The following P3H1 variants were observed in gnomAD, a reference collection of about 807,000 sequenced individuals.
P3H1 encodes prolyl 3-hydroxylase 1.
Under a neutral mutation model 84.0 loss-of-function variants are expected in P3H1, and 69 were observed. That is an observed-to-expected ratio of 0.82 (90% CI 0.68 to 1.00). The LOEUF (loss-of-function observed/expected upper bound fraction) is 1.00, where lower values mean the gene tolerates loss of function less well. Among genes scored for constraint, P3H1 ranks in the 50% least tolerant of loss-of-function variants. The pLI is 0.00. For synonymous variants in P3H1, 366 were observed against 388.8 expected, an observed-to-expected ratio of 0.94 and a Z score of 0.69; for missense variants, 878 against 962.8, an observed-to-expected ratio of 0.91 and a Z score of 1.17.
At chr1:42,762,210 A>T in intron 2 of P3H1, 113 bp downstream of exon 2, 1 of 1,059,322 alleles carries the variant, frequency 9.4e-7, no homozygotes, top group Non-Finnish European at 1.4e-6. Context: ...ATTTGAGGTT[A>T]CAGTGAGCTA....
chr1:42,762,246 G>C (rs780899334), intron 2 of P3H1, 77 bp downstream of exon 2: 10 of 1,468,176 alleles, frequency 6.8e-6, no homozygotes, highest in Middle Eastern at 3.8e-4. Flanking sequence ...ACTCCAGCCT[G>C]GGTGACAGAG....
intron 11 of P3H1, chr1:42,748,550 C>A: frequency 1.8e-6 from 1 of 560,302 alleles, no homozygotes; most frequent in Admixed American, 2.6e-5. Context: ...TGAAGGGCTC[C>A]AACCAAGGGC....
chr1:42,747,561 GT>G (rs1399576989), intron 13 of P3H1, 149 bp from the exon 14 acceptor site: 1 of 1,102,176 alleles, frequency 9.1e-7, no homozygotes, highest in African/African-American at 1.5e-5. Context: ...AGGGTGACTG[GT>G]TAGAGGAGTG....
intron 12 of P3H1, 77 bp downstream of exon 12, chr1:42,748,123 G>A (rs1651834113): frequency 9.7e-7 from 1 of 1,035,004 alleles, no homozygotes; most frequent in East Asian, 2.4e-5. Flanking sequence ...GCTAGGGTGG[G>A]GTAGTAGAGT....
At chr1:42,747,442 CA>C (rs1410468624) in intron 13 of P3H1, 30 bp from the exon 14 acceptor site, 1 of 1,597,782 alleles carries the variant, frequency 6.3e-7, no homozygotes. Context: ...AGGGGGGTTG[CA>C]CAGGACAAAG....
intron 2 of P3H1, 78 bp from the exon 3 acceptor site, chr1:42,759,468 G>A: frequency 7.7e-7 from 1 of 1,299,898 alleles, no homozygotes; most frequent in Admixed American, 1.9e-5. Flanking sequence ...ACCTTCACAG[G>A]GGTCCTAATT....
chr1:42,752,560 G>A lies in P3H1; in HGVS notation c.1450C>T (p.Gln484Ter), dbSNP rs1652170112. 2 of 1,614,152 alleles carry A rather than the reference G, an allele frequency of 1.2e-6. No homozygotes were observed. Among genetic ancestry groups the A allele is most frequent in the Non-Finnish European group, 1.7e-6 (2 of 1,180,018 alleles). The change falls in exon 9 of 15, where the codon CAG (glutamine) becomes TAG (stop). Residue 484 changes from glutamine to a stop codon, truncating the protein, a stop_gained. Coordinates refer to ENST00000296388, the MANE Select transcript of P3H1 (RefSeq NM_022356.4). LOFTEE classifies it high-confidence loss of function. ...ACATTGGTCAGTCTCTGCAGCTCCT[G>A]ACACTCGTGGTCAGAGATTACGCCG... ...MDGVISDHECQELQRLTNVAA... is the reference protein window; with the variant it reads ...MDGVISDHEC
In P3H1 at chr1:42,757,873, G is replaced by T. The variant is rs2124135466; in HGVS notation, c.990C>A (p.Phe330Leu). 2.5e-6 allele frequency: 4 copies of T among 1,614,234 alleles called. No homozygotes were observed. Among genetic ancestry groups the T allele is most frequent in the East Asian group, 2.2e-5 (1 of 44,886 alleles). Reference sequence around the variant, plus strand: ...GGTTCATCACCTCGTCATTGGGGAAGAAGAGAAGATAGGTCTTGGCACATT... The same window carrying T: ...GGTTCATCACCTCGTCATTGGGGAATAAGAGAAGATAGGTCTTGGCACATT... Reference protein sequence around the residue: ...AVECAKTYLLFFPNDEVMNQN... With the variant: ...AVECAKTYLLLFPNDEVMNQN... The change falls in exon 5 of 15, where the codon TTC (phenylalanine) becomes TTA (leucine). Residue 330 changes from phenylalanine to leucine, a missense_variant. Coordinates refer to ENST00000296388, the MANE Select transcript of P3H1 (RefSeq NM_022356.4).
At chr1:42,750,502 A>G (rs1288916284) in intron 10 of P3H1, among the ~76,000 whole-genome samples, 166 bp from the exon 11 acceptor site, 2 of 152,342 alleles carry the variant, frequency 1.3e-5, no homozygotes, top group Non-Finnish European at 1.5e-5. Context: ...TGCTGTTCTC[A>G]TAATACTGAA....
intron 10 of P3H1, chr1:42,751,541 C>G (rs1384008441): frequency 7.5e-6 from 1 of 133,184 alleles, no homozygotes; most frequent in Non-Finnish European, 1.6e-5. Context: ...TCCCCCTCTG[C>G]GAGAAACACC....
chr1:42,762,142 A>G (rs549401102), intron 2 of P3H1, 181 bp downstream of exon 2: 3 of 608,530 alleles, frequency 4.9e-6, no homozygotes, highest in Non-Finnish European at 8.7e-6. Flanking sequence ...AAAAGAATGC[A>G]TGCCTGTAGT....
At chr1:42,764,627 C>T (rs914884207) in intron 1 of P3H1, among the ~76,000 whole-genome samples, 2 of 151,920 alleles carry the variant, frequency 1.3e-5, no homozygotes, top group South Asian at 2.1e-4. Context: ...TAATATGCAG[C>T]CTGTAATACA....
chr1:42,746,713 G>A lies in P3H1; in HGVS notation c.2195C>T (p.Pro732Leu). ...TGGACGCTGTCATAGCTCATCCTTGGGCTTCGATTCACTGCCTGAGAGAGA... is the reference window on the plus strand; with the variant it reads ...TGGACGCTGTCATAGCTCATCCTTGAGCTTCGATTCACTGCCTGAGAGAGA... ...QESLSGSESK[P>L]KDEL The change falls in exon 15 of 15, where the codon CCC (proline) becomes CTC (leucine). Residue 732 changes from proline (P) to leucine (L), a missense_variant. Transcript: ENST00000296388. The A allele has an allele frequency of 6.4e-7, 1 of 1,551,744 alleles. No homozygotes were observed. Among genetic ancestry groups the A allele is most frequent in the Non-Finnish European group, 8.7e-7 (1 of 1,147,014 alleles).
intron 11 of P3H1, chr1:42,748,595 A>G (rs373325273): frequency 2.2e-6 from 1 of 459,276 alleles, no homozygotes. Flanking sequence ...CCTGGTTTGT[A>G]GCTGGACTTT....
In P3H1 at chr1:42,747,429, G is replaced by A; in HGVS notation, c.1915-17C>T. The A allele has an allele frequency of 6.2e-7, 1 of 1,607,068 alleles. No individual in the cohort carries two copies. The highest frequency in any genetic ancestry group is 8.5e-7 in the Non-Finnish European group (1 of 1,176,002). ...CACCTCTGCCTAAGGGGGACAGAAAGGGAGGGGGGTTGCACAGGACAAAGA... is the reference window on the plus strand; with the variant it reads ...CACCTCTGCCTAAGGGGGACAGAAAAGGAGGGGGGTTGCACAGGACAAAGA... On this transcript the variant is annotated splice_polypyrimidine_tract_variant and intron_variant, in intron 13 of 14. Transcript: ENST00000296388.
chr1:42,755,492 C>A, intron 6 of P3H1, 56 bp downstream of exon 6: 1 of 1,417,536 alleles, frequency 7.1e-7, no homozygotes, highest in South Asian at 1.1e-5. Flanking sequence ...CCTCCCCATT[C>A]ATCTCTCCTG....
intron 6 of P3H1, 86 bp from the exon 7 acceptor site, chr1:42,755,303 A>T: frequency 7.6e-7 from 1 of 1,311,520 alleles, no homozygotes; most frequent in African/African-American, 1.4e-5. Flanking sequence ...GGCCCACAGG[A>T]GTAATCCAGC....
chr1:42,748,978 C>T (rs1230487710), intron 11 of P3H1, among the ~76,000 whole-genome samples: 2 of 152,260 alleles, frequency 1.3e-5, no homozygotes, highest in African/African-American at 4.8e-5. Context: ...TGTCCATCCA[C>T]CTCCTGCACC....
Position 42,750,190 on chromosome 1 carries a change from G to C in P3H1, c.1716C>G (p.Ile572Met), listed in dbSNP as rs35500164. The C allele has an allele frequency of 7.4e-6, 12 of 1,611,894 alleles. No individual in the cohort carries two copies. Among genetic ancestry groups the C allele is most frequent in the Non-Finnish European group, 9.3e-6 (11 of 1,179,130 alleles). Residue 572 changes from isoleucine (I) to methionine (M), a missense_variant, in exon 11 of 15, where the codon ATC becomes ATG. Physicochemically the swap from Ile to Met is conservative, Grantham distance 10. Transcript: ENST00000296388. ...SYSHLVCRTA[I>M]EEVQAERKDD... ...TGCAGGGGTAATGAGGCCCACCTTC[G>C]ATGGCAGTGCGGCACACCAGATGAG...
Sources: gnomAD v4.1 joint callset for allele counts (sites outside exome capture counted in the v4.1 genomes callset) on GRCh38, gnomAD v4.1.1 for gene constraint, MANE v1.5 for transcripts, NCBI Gene and HGNC (gene_info 2026-07-23, HGNC 2026-07-21) for gene names.